The following MUSK variants were observed in gnomAD, a reference collection of about 807,000 sequenced individuals.
The protein encoded by MUSK is muscle, skeletal receptor tyrosine-protein kinase.
A neutral mutation model predicts 88.7 loss-of-function variants in MUSK; 55 were observed. The observed-to-expected ratio is 0.62, with a 90% CI of 0.50 to 0.78. The LOEUF (loss-of-function observed/expected upper bound fraction) is 0.78. Among genes scored for constraint, MUSK ranks in the 30% least tolerant of loss-of-function variants. The probability of loss-of-function intolerance (pLI) is 0.00; values close to 1 mark genes in which losing one functional copy is unlikely to be tolerated. For missense variants in MUSK, 1,015 were observed against 1,074.3 expected, an observed-to-expected ratio of 0.94 and a Z score of 0.77; for synonymous variants, 387 against 391.9, an observed-to-expected ratio of 0.99 and a Z score of 0.15.
chr9:110,736,105 A>G (rs970440359), intron 6 of MUSK, among the ~76,000 whole-genome samples: 2 of 152,106 alleles, frequency 1.3e-5, no homozygotes, highest in South Asian at 4.1e-4. Context: ...ACAATACAAT[A>G]TTTAAGTATT....
chr9:110,701,024 G>A (rs780160422), intron 5 of MUSK, among the ~76,000 whole-genome samples: 7 of 152,194 alleles, frequency 4.6e-5, no homozygotes, highest in Non-Finnish European at 8.8e-5. Context: ...TGGAATTTGA[G>A]AAAATTCTGT....
At chr9:110,705,866 C>T (rs970639775) in intron 5 of MUSK, among the ~76,000 whole-genome samples, 6 of 152,134 alleles carry the variant, frequency 3.9e-5, no homozygotes, top group Admixed American at 6.5e-5. Context: ...AGAGGATTCA[C>T]GGCAGGATGT....
Position 110,787,758 on chromosome 9 carries a change from C to T in MUSK, c.1847C>T (p.Ser616Leu), listed in dbSNP as rs181652070. Residue 616 changes from serine (S) to leucine (L), a missense_variant, in exon 14 of 15, where the codon TCG becomes TTG. Transcript: ENST00000374448. ...VAVKMLKEEASADMQADFQRE... is the reference protein window; with the variant it reads ...VAVKMLKEEALADMQADFQRE... ...GTAAAGATGCTCAAAGAAGAAGCCTCGGCAGATATGCAAGCGGACTTTCAG... is the reference window on the plus strand; with the variant it reads ...GTAAAGATGCTCAAAGAAGAAGCCTTGGCAGATATGCAAGCGGACTTTCAG... The T allele has an allele frequency of 2.4e-5, 39 of 1,613,818 alleles. No homozygotes were observed. The highest frequency in any genetic ancestry group is 6.7e-5 in the East Asian group (3 of 44,884).
chr9:110,675,058 G>T (rs1266950224), intron 1 of MUSK, among the ~76,000 whole-genome samples: 1 of 151,948 alleles, frequency 6.6e-6, no homozygotes, highest in Non-Finnish European at 1.5e-5. Context: ...AATTTTAAAT[G>T]GTTTCCATTT....
At chr9:110,711,550 C>T (rs538421722) in intron 5 of MUSK, among the ~76,000 whole-genome samples, 1 of 152,240 alleles carries the variant, frequency 6.6e-6, no homozygotes, top group East Asian at 1.9e-4. Flanking sequence ...ATACTGCAGA[C>T]GAAATCTTAT....
chr9:110,780,043 A>G (rs896425919), intron 11 of MUSK, among the ~76,000 whole-genome samples: 3 of 152,142 alleles, frequency 2.0e-5, no homozygotes, highest in Non-Finnish European at 2.9e-5. Context: ...CTTATAAACA[A>G]CATATACCTG....
intron 7 of MUSK, among the ~76,000 whole-genome samples, chr9:110,749,757 T>A (rs2077224657): frequency 6.6e-6 from 1 of 151,908 alleles, no homozygotes; most frequent in African/African-American, 2.4e-5. Flanking sequence ...ACAGGACAAA[T>A]CAGGATAGAA....
intron 5 of MUSK, chr9:110,728,710 T>C (rs1243415191): frequency 1.3e-6 from 2 of 1,577,136 alleles, no homozygotes; most frequent in Non-Finnish European, 1.7e-6. Context: ...CCGAACAAGA[T>C]ACTAAAGGTA....
chr9:110,800,055 CA>C (rs1269021200), intron 14 of MUSK, among the ~76,000 whole-genome samples: 1 of 152,156 alleles, frequency 6.6e-6, no homozygotes, highest in African/African-American at 2.4e-5. Flanking sequence ...CCCAGGACAA[CA>C]GCGCTCTGCT....
In MUSK at chr9:110,775,970, CAG is replaced by C; in HGVS notation, c.1360+10_1360+11del. ...GCCAGACTGCCACATCTAGGTAACACAGAGTTCTCCCAAGACTTTGGAGGTTA... is the reference window on the plus strand; with the variant it reads ...GCCAGACTGCCACATCTAGGTAACACAGTTCTCCCAAGACTTTGGAGGTTA... On this transcript the variant is annotated splice_region_variant and intron_variant, in intron 10 of 14. Coordinates refer to ENST00000374448, the MANE Select transcript of MUSK (RefSeq NM_005592.4). The C allele has an allele frequency of 6.2e-7, 1 of 1,602,922 alleles. No individual in the cohort carries two copies. Among genetic ancestry groups the C allele is most frequent in the South Asian group, 1.1e-5 (1 of 89,544 alleles).
chr9:110,703,611 A>G (rs1164624035), intron 5 of MUSK, among the ~76,000 whole-genome samples: 4 of 152,208 alleles, frequency 2.6e-5, no homozygotes, highest in Admixed American at 1.3e-4. Context: ...ACACATAAAA[A>G]TATAATTAAA....
chr9:110,797,330 G>A (rs921168805), intron 14 of MUSK, among the ~76,000 whole-genome samples: 2 of 151,962 alleles, frequency 1.3e-5, no homozygotes, highest in African/African-American at 4.8e-5. Flanking sequence ...GATTTTTAGA[G>A]TTAGGGCAGT....
At chr9:110,719,158 C>T (rs1046615951) in intron 5 of MUSK, among the ~76,000 whole-genome samples, 3 of 151,910 alleles carry the variant, frequency 2.0e-5, no homozygotes, top group African/African-American at 7.2e-5. Context: ...AACAGTAACA[C>T]AATGAAAACA....
rs143582345 is a variant in MUSK, at chr9:110,723,234, T to TACACACACACACACACACACAC, written c.629-11009_629-10988dup. On this transcript the variant is annotated intron_variant, in intron 5 of 14. Coordinates refer to ENST00000374448, the MANE Select transcript of MUSK (RefSeq NM_005592.4). ...ACCATGGAATACTACTACATATACATACACACACACACACACACACACACA... is the reference window on the plus strand; with the variant it reads ...ACCATGGAATACTACTACATATACATACACACACACACACACACACACACACACACACACACACACACACACA... Among the ~76,000 whole-genome samples the TACACACACACACACACACACAC allele has an allele frequency of 2.5e-4, 37 of 146,770 alleles. 1 individual carries two copies. The highest frequency in any genetic ancestry group is 3.9e-4 in the Non-Finnish European group (26 of 66,794).
At chr9:110,763,205 T>C (rs1346995019) in intron 8 of MUSK, among the ~76,000 whole-genome samples, 1 of 152,210 alleles carries the variant, frequency 6.6e-6, no homozygotes, top group Admixed American at 6.5e-5. Context: ...ATACACATTA[T>C]ATGAAAAATT....
At chr9:110,726,641 C>G (rs1182994036) in intron 5 of MUSK, among the ~76,000 whole-genome samples, 1 of 151,992 alleles carries the variant, frequency 6.6e-6, no homozygotes, top group African/African-American at 2.4e-5. Context: ...ACCACAGTTG[C>G]AGAATAAAGA....
intron 14 of MUSK, among the ~76,000 whole-genome samples, chr9:110,799,775 C>T (rs1286745850): frequency 1.3e-5 from 2 of 152,118 alleles, no homozygotes; most frequent in African/African-American, 2.4e-5. Context: ...ATGGTAGGTT[C>T]TCTGTGAAAG....
intron 6 of MUSK, among the ~76,000 whole-genome samples, chr9:110,736,230 T>C (rs1488118342): frequency 3.3e-5 from 5 of 152,178 alleles, no homozygotes; most frequent in Non-Finnish European, 5.9e-5. Flanking sequence ...TGTATGCTTA[T>C]ATCAAAATTT....
intron 11 of MUSK, among the ~76,000 whole-genome samples, chr9:110,783,384 T>A (rs2077795929): frequency 6.6e-6 from 1 of 152,124 alleles, no homozygotes; most frequent in Non-Finnish European, 1.5e-5. Context: ...TCTTTTATAA[T>A]GTGATGACTT....
Sources: gnomAD v4.1 joint callset for allele counts (sites outside exome capture counted in the v4.1 genomes callset) on GRCh38, gnomAD v4.1.1 for gene constraint, MANE v1.5 for transcripts, NCBI Gene and HGNC (gene_info 2026-07-23, HGNC 2026-07-21) for gene names.